The following PHACTR3 variants were observed in gnomAD, a reference collection of about 807,000 sequenced individuals.
The protein encoded by PHACTR3 is phosphatase and actin regulator 3, also known as protein phosphatase 1, regulatory subunit 123.
PHACTR3 carries 16 observed loss-of-function variants against 66.8 expected under a neutral mutation model. That is an observed-to-expected ratio of 0.24 (90% CI 0.16 to 0.36). The LOEUF (loss-of-function observed/expected upper bound fraction) is 0.36, where lower values mean the gene tolerates loss of function less well. Ranked by LOEUF, PHACTR3 falls within the 10% of genes least tolerant of loss-of-function variation. PHACTR3 has a pLI of 1.00. For missense variants in PHACTR3, 647 were observed against 719.9 expected, an observed-to-expected ratio of 0.90 and a Z score of 1.16; for synonymous variants, 323 against 292.1, an observed-to-expected ratio of 1.11 and a Z score of -1.08.
chr20:59,814,254 G>C (rs1487095685), intron 8 of PHACTR3, among the ~76,000 whole-genome samples: 2 of 152,232 alleles, frequency 1.3e-5, no homozygotes, highest in Non-Finnish European at 2.9e-5. Context: ...TACAGGCCCA[G>C]GAGCCAGCAC....
At chr20:59,655,708 T>C (rs1426190118) in intron 1 of PHACTR3, among the ~76,000 whole-genome samples, 5 of 152,086 alleles carry the variant, frequency 3.3e-5, no homozygotes, top group African/African-American at 1.2e-4. Flanking sequence ...AGTTTGTTCT[T>C]CTTTTTCTAC....
chr20:59,821,262 C>T (rs1468600782), intron 8 of PHACTR3, among the ~76,000 whole-genome samples: 1 of 152,066 alleles, frequency 6.6e-6, no homozygotes, highest in Non-Finnish European at 1.5e-5. Flanking sequence ...TTAGAGCCAC[C>T]CCACTCCCTG....
At position 59,813,183 on chromosome 20, in the gene PHACTR3, A is replaced by C. The variant is rs775656048; in HGVS notation, c.1328+6989A>C. Among the ~76,000 whole-genome samples, 101 of 151,732 alleles carry C rather than the reference A, an allele frequency of 6.7e-4. 1 individual carries two copies. Among genetic ancestry groups the C allele is most frequent in the Admixed American group, 3.3e-3 (51 of 15,304 alleles). On this transcript the variant is annotated intron_variant, in intron 8 of 12. Transcript: ENST00000371015. ...TCGGTATGGTGTGGGTGCTGCACAC[A>C]GGCTCCTTCATGGATCTTACTACCT...
chr20:59,643,555 A>G (rs528697556), intron 1 of PHACTR3, among the ~76,000 whole-genome samples: 74 of 152,368 alleles, frequency 4.9e-4, no homozygotes, highest in African/African-American at 1.6e-3. Context: ...GAGAACAGAC[A>G]TTTGCTCGTT....
chr20:59,784,552 C>G (rs937815289), intron 7 of PHACTR3, among the ~76,000 whole-genome samples: 2 of 152,020 alleles, frequency 1.3e-5, no homozygotes, highest in African/African-American at 4.8e-5. Context: ...TGAGCCTGGG[C>G]GTGGAGATGA....
intron 1 of PHACTR3, among the ~76,000 whole-genome samples, chr20:59,739,026 G>T (rs183743242): frequency 6.6e-6 from 1 of 152,142 alleles, no homozygotes; most frequent in East Asian, 1.9e-4. Flanking sequence ...GGAATGCATT[G>T]TCTCTGAGAA....
Position 59,747,552 on chromosome 20 carries a change from C to T in PHACTR3, c.281-206C>T, listed in dbSNP as rs371922387. On this transcript the variant is annotated intron_variant, in intron 2 of 12. Transcript: ENST00000371015. ...TAGAATATCTACTGCGTGCACTGCTCTTTAGCTGTGGTTTATGCACATTGC... is the reference window on the plus strand; with the variant it reads ...TAGAATATCTACTGCGTGCACTGCTTTTTAGCTGTGGTTTATGCACATTGC... Among the ~76,000 whole-genome samples, 11 of 152,220 alleles carry T rather than the reference C, an allele frequency of 7.2e-5. No individual in the cohort carries two copies. The East Asian group carries it at 7.7e-4, about 11-fold the overall frequency.
Position 59,678,605 on chromosome 20 carries a change from G to A in PHACTR3, c.119-64502G>A, listed in dbSNP as rs545105358. ...GCATCTTGACATAATTCGACATGTC[G>A]CAGCTGAATCTCATCTACTTGCAGA... On this transcript the variant is annotated intron_variant, in intron 1 of 12. Coordinates refer to ENST00000371015, the MANE Select transcript of PHACTR3 (RefSeq NM_080672.5). Among the ~76,000 whole-genome samples, 24 of 152,244 alleles carry A rather than the reference G, an allele frequency of 1.6e-4. No homozygotes were observed. In the South Asian group the frequency reaches 2.7e-3, roughly 17 times the overall value.
chr20:59,808,045 G>T (rs995391222), intron 8 of PHACTR3, among the ~76,000 whole-genome samples: 6 of 152,188 alleles, frequency 3.9e-5, no homozygotes, highest in Non-Finnish European at 7.3e-5. Flanking sequence ...GAGCTGCTGC[G>T]TCTTGCTGGT....
rs116382912 is a variant in PHACTR3, at chr20:59,655,884, A to C, written c.118+50752A>C. ...CTCAAAGTACTTTCTAATCTCACTC[A>C]TGATTTATTCTTTGACTCATTGGTT... On this transcript the variant is annotated intron_variant, in intron 1 of 12. Transcript: ENST00000371015. Among the ~76,000 whole-genome samples the C allele has an allele frequency of 8.6e-3, 1,313 of 151,952 alleles. 23 individuals carry two copies. The highest frequency in any genetic ancestry group is 0.03 in the African/African-American group (1,236 of 41,518).
At chr20:59,674,878 C>G (rs567177772) in intron 1 of PHACTR3, among the ~76,000 whole-genome samples, 2 of 103,354 alleles carry the variant, frequency 1.9e-5, no homozygotes, top group Non-Finnish European at 3.8e-5. Flanking sequence ...TCCTGTCCCC[C>G]GCTTCTCCTG....
intron 1 of PHACTR3, among the ~76,000 whole-genome samples, chr20:59,605,532 T>G (rs2146333029): frequency 6.6e-6 from 1 of 152,324 alleles, no homozygotes; most frequent in African/African-American, 2.4e-5. Flanking sequence ...CGTCCCCGCT[T>G]GGGCATCTGC....
intron 1 of PHACTR3, among the ~76,000 whole-genome samples, chr20:59,578,970 G>GCCCCTCTAGGGTGCT (rs994156463): frequency 3.9e-5 from 6 of 152,272 alleles, no homozygotes; most frequent in Non-Finnish European, 7.4e-5. Context: ...GGGAGATGAG[G>GCCCCTCTAGGGTGCT]CCCCTCTAGG....
intron 1 of PHACTR3, among the ~76,000 whole-genome samples, chr20:59,720,136 C>T (rs529911737): frequency 2.0e-5 from 3 of 152,232 alleles, no homozygotes; most frequent in South Asian, 2.1e-4. Flanking sequence ...AGTTACCTTG[C>T]GGTGTGGCAC....
chr20:59,675,876 C>A (rs762661917), intron 1 of PHACTR3, among the ~76,000 whole-genome samples: 1 of 152,238 alleles, frequency 6.6e-6, no homozygotes, highest in Non-Finnish European at 1.5e-5. Context: ...GACATACCTG[C>A]AGCAGCAGGT....
Position 59,668,842 on chromosome 20 carries a change from A to G in PHACTR3, c.118+63710A>G, listed in dbSNP as rs146193734. 2.4e-3 allele frequency among the ~76,000 whole-genome samples: 364 copies of G among 150,228 alleles called. 4 individuals are homozygous for G. Among genetic ancestry groups the G allele is most frequent in the African/African-American group, 8.6e-3 (347 of 40,408 alleles). ...CAGCCTCCCAAGTAGCTGGAACTAC[A>G]GGTGCCCGTCACCACACACAGCTAA... On this transcript the variant is annotated intron_variant, in intron 1 of 12. Coordinates refer to ENST00000371015, the MANE Select transcript of PHACTR3 (RefSeq NM_080672.5).
Position 59,743,111 on chromosome 20 carries a change from G to T in PHACTR3, c.123G>T (p.Glu41Asp). 1 of 1,613,152 alleles carries T rather than the reference G, an allele frequency of 6.2e-7. No homozygotes were observed. The highest frequency in any genetic ancestry group is 1.1e-5 in the South Asian group (1 of 90,948). ...SSADAGENPD[E>D]MDQTPPARPE... is the part of the protein sequence containing the mutation. ...CCCTTGGTTTTCGTCTTCCAGATGA[G>T]ATGGACCAAACGCCCCCGGCGCGTC... is the stretch of plus-strand genomic sequence containing the variant. The change falls in exon 2 of 13, where the codon GAG (glutamate) becomes GAT (aspartate). Residue 41 changes from glutamate (E) to aspartate (D), a missense_variant. Around this residue, in one of 2 missense-constraint regions of PHACTR3, gnomAD observed 577 missense variants for 571.1 expected, o/e 1.01. Coordinates refer to ENST00000371015, the MANE Select transcript of PHACTR3 (RefSeq NM_080672.5).
At position 59,736,599 on chromosome 20, in the gene PHACTR3, C is replaced by A. The variant is rs1230759947; in HGVS notation, c.119-6508C>A. On this transcript the variant is annotated intron_variant, in intron 1 of 12. Transcript: ENST00000371015. This position sits in a 1 kb window ranked among gnomAD's most constrained non-coding sequence, Gnocchi z 4.6. ...GCTCTGCAGTTGCTCACCCACCCACCCTCAGAGATACACACCTACCCACTC... is the reference window on the plus strand; with the variant it reads ...GCTCTGCAGTTGCTCACCCACCCACACTCAGAGATACACACCTACCCACTC... Among the ~76,000 whole-genome samples the A allele has an allele frequency of 6.6e-6, 1 of 152,072 alleles. No homozygotes were observed. Among genetic ancestry groups the A allele is most frequent in the African/African-American group, 2.4e-5 (1 of 41,420 alleles).
intron 2 of PHACTR3, among the ~76,000 whole-genome samples, chr20:59,746,972 T>C (rs548293156): frequency 1.4e-3 from 204 of 150,892 alleles, no homozygotes; most frequent in African/African-American, 4.8e-3. Context: ...GAGGTGGTTA[T>C]GTAGTCTTGT....
Sources: allele counts gnomAD v4.1 joint callset (sites outside exome capture counted in the v4.1 genomes callset), GRCh38; gene constraint gnomAD v4.1.1; regional missense constraint gnomAD v4.1.1; non-coding constraint Gnocchi (gnomAD v3.1); transcripts MANE v1.5; gene names NCBI Gene and HGNC (gene_info 2026-07-23, HGNC 2026-07-21).